The following VTI1A variants were observed in gnomAD, a reference collection of about 807,000 sequenced individuals.
VTI1A encodes vesicle transport through interaction with t-SNAREs homolog 1A.
VTI1A carries 22 observed loss-of-function variants against 34.9 expected under a neutral mutation model. The ratio of observed to expected loss-of-function variants is 0.63; its 90% CI spans 0.45 to 0.90. The LOEUF (loss-of-function observed/expected upper bound fraction) is 0.90. VTI1A is among the 40% of genes least tolerant of loss of function. The pLI is 0.00. For synonymous variants in VTI1A, 87 were observed against 97.3 expected (o/e 0.89, Z 0.62); for missense variants, 268 against 275.6 (o/e 0.97, Z 0.20).
At position 112,815,860 on chromosome 10, in the gene VTI1A, G is replaced by A; in HGVS notation, c.*477G>A. The A allele has an allele frequency of 4.1e-6, 1 of 241,544 alleles. No individual in the cohort carries two copies. The allele number at this position is 241,544 out of a possible 1,614,324, so 15.0% of individuals were successfully genotyped here. A position where few individuals can be genotyped will look rare whatever the true frequency, so the allele number is the denominator to read the frequency against. ...TGACCCCGTCCAGCAAGCCAGCCCT[G>A]TTCCTACACAGGCCTCATGAATATA... On this transcript the variant is annotated 3_prime_UTR_variant, in exon 8 of 8. Coordinates refer to ENST00000393077, the MANE Select transcript of VTI1A (RefSeq NM_145206.4).
In VTI1A at chr10:112,630,573, T is replaced by A. The variant is rs534312779; in HGVS notation, c.428-37645T>A. ...CTCAGAAAATTTGAATAATTGGCTA[T>A]AACTGTATAGTATTAAGTGGTGGAG... On this transcript the variant is annotated intron_variant, in intron 5 of 7. Coordinates refer to ENST00000393077, the MANE Select transcript of VTI1A (RefSeq NM_145206.4). Among the ~76,000 whole-genome samples, 770 of 152,330 alleles carry A rather than the reference T, an allele frequency of 5.1e-3. 6 individuals are homozygous for A. Among genetic ancestry groups the A allele is most frequent in the African/African-American group, 0.018 (742 of 41,576 alleles).
chr10:112,650,655 G>A (rs547691303), intron 5 of VTI1A, among the ~76,000 whole-genome samples: 1 of 152,092 alleles, frequency 6.6e-6, no homozygotes, highest in Non-Finnish European at 1.5e-5. Context: ...ACAAACACAC[G>A]AGTAATGCAT....
chr10:112,689,443 G>C (rs966009604), intron 7 of VTI1A, among the ~76,000 whole-genome samples: 1 of 152,192 alleles, frequency 6.6e-6, no homozygotes, highest in East Asian at 1.9e-4. Context: ...GGGAAGGGTG[G>C]TTTTGGAGCT....
chr10:112,531,775 G>A (rs1009374550), intron 4 of VTI1A, among the ~76,000 whole-genome samples: 4 of 152,240 alleles, frequency 2.6e-5, no homozygotes, highest in African/African-American at 9.6e-5. Flanking sequence ...ATCGCTGGCC[G>A]ATCAATTCCC....
intron 5 of VTI1A, among the ~76,000 whole-genome samples, chr10:112,578,395 T>C (rs1397474085): frequency 6.6e-6 from 1 of 152,096 alleles, no homozygotes; most frequent in Non-Finnish European, 1.5e-5. Context: ...AAGGTATATA[T>C]TGATTGAGTA....
At chr10:112,684,010 G>A (rs1000117145) in intron 7 of VTI1A, among the ~76,000 whole-genome samples, 4 of 150,366 alleles carry the variant, frequency 2.7e-5, no homozygotes, top group Admixed American at 6.6e-5. Context: ...GCCACTGCAC[G>A]CCAGCCTGAC....
intron 5 of VTI1A, among the ~76,000 whole-genome samples, chr10:112,611,928 A>T (rs1845331104): frequency 6.6e-6 from 1 of 151,764 alleles, no homozygotes; most frequent in African/African-American, 2.4e-5. Flanking sequence ...TTTTTAGTAG[A>T]GACAGGGTTT....
At chr10:112,810,381 G>A (rs9421142) in intron 7 of VTI1A, among the ~76,000 whole-genome samples, 28,648 of 141,162 alleles carry the variant, frequency 0.2, 3,406 homozygotes, top group East Asian at 0.27. Flanking sequence ...CCAGCCTGGA[G>A]ACAGAGAATG....
intron 7 of VTI1A, among the ~76,000 whole-genome samples, chr10:112,768,388 T>A (rs920160877): frequency 6.6e-6 from 1 of 152,160 alleles, no homozygotes; most frequent in Admixed American, 6.5e-5. Flanking sequence ...AGAAGACTCT[T>A]AGCTTTGCAA....
At chr10:112,736,902 G>A (rs1396972204) in intron 7 of VTI1A, 17 of 701,296 alleles carry the variant, frequency 2.4e-5, no homozygotes, top group African/African-American at 1.9e-4. Context: ...ATTTATAGAT[G>A]CGCAGTGCAT....
At chr10:112,567,543 T>G (rs955123881) in intron 5 of VTI1A, among the ~76,000 whole-genome samples, 6 of 152,192 alleles carry the variant, frequency 3.9e-5, no homozygotes, top group Non-Finnish European at 7.4e-5. Flanking sequence ...GGCTAACATG[T>G]TTTTTTCTTA....
intron 5 of VTI1A, among the ~76,000 whole-genome samples, chr10:112,541,161 G>A (rs1850854063): frequency 1.3e-5 from 2 of 152,020 alleles, no homozygotes; most frequent in South Asian, 4.2e-4. Context: ...TAACAAAATT[G>A]GCATCCCTAT....
At chr10:112,626,091 C>T (rs1003243772) in intron 5 of VTI1A, among the ~76,000 whole-genome samples, 6 of 151,942 alleles carry the variant, frequency 3.9e-5, no homozygotes, top group Non-Finnish European at 7.4e-5. Flanking sequence ...GTAATGATTT[C>T]GCAGTAGTTA....
chr10:112,628,827 AGATAAC>A (rs1199272294), intron 5 of VTI1A, among the ~76,000 whole-genome samples: 2 of 152,220 alleles, frequency 1.3e-5, no homozygotes, highest in Non-Finnish European at 2.9e-5. Flanking sequence ...TATCTCCCAG[AGATAAC>A]CACTGTTAGT....
At position 112,510,263 on chromosome 10, in the gene VTI1A, G is replaced by A. The variant is rs141835574; in HGVS notation, c.265-16824G>A. On this transcript the variant is annotated intron_variant, in intron 3 of 7. Transcript: ENST00000393077. ...GCATTAAGTTCCTCTAGGCATTTTT[G>A]TATAAACATCAATCTGGCATTTATT... 4.5e-3 allele frequency among the ~76,000 whole-genome samples: 680 copies of A among 152,222 alleles called. 9 individuals are homozygous for A. Among genetic ancestry groups the A allele is most frequent in the African/African-American group, 0.016 (658 of 41,540 alleles).
At chr10:112,587,331 G>A (rs1844199936) in intron 5 of VTI1A, among the ~76,000 whole-genome samples, 2 of 152,210 alleles carry the variant, frequency 1.3e-5, no homozygotes, top group South Asian at 4.1e-4. Context: ...GAAAACTTCA[G>A]AAGTGTATAT....
intron 7 of VTI1A, among the ~76,000 whole-genome samples, chr10:112,731,264 C>T (rs1330936534): frequency 6.6e-6 from 1 of 152,066 alleles, no homozygotes; most frequent in East Asian, 1.9e-4. Flanking sequence ...TGTAGTTTTG[C>T]ATGACTTCCC....
At chr10:112,814,528 C>T (rs887034961) in intron 7 of VTI1A, among the ~76,000 whole-genome samples, 6 of 152,152 alleles carry the variant, frequency 3.9e-5, no homozygotes, top group African/African-American at 1.2e-4. Context: ...CATCTGGGAG[C>T]GTGTGTCTCC....
chr10:112,721,960 TGTTAGATG>T (rs1849823808), intron 7 of VTI1A, among the ~76,000 whole-genome samples: 1 of 152,098 alleles, frequency 6.6e-6, no homozygotes, highest in Admixed American at 6.5e-5. Flanking sequence ...TGCTGAGAGA[TGTTAGATG>T]GCACCTAAGA....
Sources: gnomAD v4.1 joint callset for allele counts (sites outside exome capture counted in the v4.1 genomes callset) on GRCh38, gnomAD v4.1.1 for gene constraint, MANE v1.5 for transcripts, NCBI Gene and HGNC (gene_info 2026-07-23, HGNC 2026-07-21) for gene names.